The following UBE2R2 variants were observed in gnomAD, a reference collection of about 807,000 sequenced individuals.
The protein encoded by UBE2R2 is ubiquitin conjugating enzyme E2 R2.
A neutral mutation model predicts 27.8 loss-of-function variants in UBE2R2; 1 was observed. The observed-to-expected ratio is 0.04, with a 90% CI of 0.01 to 0.17. UBE2R2 has a LOEUF of 0.17. UBE2R2 is among the 10% of genes least tolerant of loss of function. UBE2R2 has a pLI of 1.00. For synonymous variants in UBE2R2, 106 were observed against 113.3 expected (o/e 0.94, Z 0.41); for missense variants, 100 against 291.0 (o/e 0.34, Z 4.78).
At chr9:33,843,041 A>AC (rs1820764123) in intron 1 of UBE2R2, among the ~76,000 whole-genome samples, 1 of 70,606 alleles carries the variant, frequency 1.4e-5, no homozygotes, top group East Asian at 3.4e-4. Flanking sequence ...AAAACAGACC[A>AC]CTTTTTTTTT....
At chr9:33,850,486 G>A (rs1298852055) in intron 1 of UBE2R2, among the ~76,000 whole-genome samples, 1 of 151,500 alleles carries the variant, frequency 6.6e-6, no homozygotes, top group African/African-American at 2.4e-5. Context: ...CTGAACAGAC[G>A]AGCCTACCAA....
chr9:33,822,279 C>T (rs112731233), intron 1 of UBE2R2, among the ~76,000 whole-genome samples: 116 of 151,620 alleles, frequency 7.7e-4, no homozygotes, highest in African/African-American at 2.7e-3. Flanking sequence ...TTGGTAGAGA[C>T]GAGGTTTCTC....
chr9:33,884,121 T>C (rs1821796131), intron 1 of UBE2R2, among the ~76,000 whole-genome samples: 1 of 151,098 alleles, frequency 6.6e-6, no homozygotes, highest in Non-Finnish European at 1.5e-5. Flanking sequence ...CCCAGTGTAC[T>C]CTGTCTAGCC....
chr9:33,869,356 T>C (rs773800871), intron 1 of UBE2R2, among the ~76,000 whole-genome samples: 3 of 152,088 alleles, frequency 2.0e-5, no homozygotes, highest in Non-Finnish European at 4.4e-5. Flanking sequence ...ATACTGCACA[T>C]TGGGGGTTAC....
intron 1 of UBE2R2, among the ~76,000 whole-genome samples, chr9:33,886,169 T>C (rs760318793): frequency 3.2e-4 from 49 of 152,188 alleles, no homozygotes; most frequent in Non-Finnish European, 4.0e-4. Flanking sequence ...TATTTCTGGG[T>C]GATAGAATGA....
At chr9:33,905,590 AAGG>A (rs2130814799) in intron 3 of UBE2R2, among the ~76,000 whole-genome samples, 1 of 152,340 alleles carries the variant, frequency 6.6e-6, no homozygotes, top group South Asian at 2.1e-4. Flanking sequence ...CACTGCACAG[AAGG>A]AGGTGTTATA....
chr9:33,894,862 A>T (rs1209348482), intron 2 of UBE2R2, among the ~76,000 whole-genome samples: 1 of 151,954 alleles, frequency 6.6e-6, no homozygotes, highest in Admixed American at 6.6e-5. Context: ...GCACCACTGC[A>T]CTCCAGCCTG....
At chr9:33,907,985 C>T (rs1184854143) in intron 3 of UBE2R2, among the ~76,000 whole-genome samples, 10 of 152,078 alleles carry the variant, frequency 6.6e-5, no homozygotes, top group African/African-American at 1.9e-4. Context: ...TGTGCCACTA[C>T]ACCTGGCTAA....
rs2130694634 is a variant in UBE2R2, at chr9:33,817,647, C to T, written c.-111C>T. The T allele has an allele frequency of 1.8e-6, 2 of 1,126,304 alleles. No individual in the cohort carries two copies. The highest frequency in any genetic ancestry group is 2.2e-6 in the Non-Finnish European group (2 of 921,706). The allele number at this position is 1,126,304 out of a possible 1,614,324, so 69.8% of individuals were successfully genotyped here. On this transcript the variant is annotated 5_prime_UTR_variant, in exon 1 of 5. Coordinates refer to ENST00000263228, the MANE Select transcript of UBE2R2 (RefSeq NM_017811.4). Reference sequence around the variant, plus strand: ...CCCGCCGGGTGTGTGAAGACCGGGGCCCGGTGCTGCCCGGCCGGAGGGCGA... The same window carrying T: ...CCCGCCGGGTGTGTGAAGACCGGGGTCCGGTGCTGCCCGGCCGGAGGGCGA...
chr9:33,818,365 T>TG (rs1825875605), intron 1 of UBE2R2, among the ~76,000 whole-genome samples: 1 of 4,406 alleles, frequency 2.3e-4, no homozygotes, highest in Non-Finnish European at 4.2e-4. Context: ...TTTTCTTTTT[T>TG]GGGGGGTGGG....
chr9:33,850,992 C>T (rs890331752), intron 1 of UBE2R2, among the ~76,000 whole-genome samples: 1 of 152,260 alleles, frequency 6.6e-6, no homozygotes, highest in African/African-American at 2.4e-5. Flanking sequence ...AATCATACTT[C>T]TCATTAATAC....
At chr9:33,837,371 T>G (rs1820636540) in intron 1 of UBE2R2, among the ~76,000 whole-genome samples, 2 of 150,904 alleles carry the variant, frequency 1.3e-5, no homozygotes, top group South Asian at 4.2e-4. Flanking sequence ...ATTACAGGTA[T>G]GAGCCACTGT....
rs1300093032 is a variant in UBE2R2 at position 33,919,723 on chromosome 9, T to TA, written c.*2488dup. 1.4e-5 allele frequency: 2 copies of TA among 144,898 alleles called. No individual in the cohort carries two copies. Among genetic ancestry groups the TA allele is most frequent in the Non-Finnish European group, 3.0e-5 (2 of 65,974 alleles). 9.0% of individuals were successfully genotyped at this position (144,898 alleles called of 1,614,324 possible). A position where few individuals can be genotyped will look rare whatever the true frequency, so the allele number is the denominator to read the frequency against. On this transcript the variant is annotated 3_prime_UTR_variant, in exon 5 of 5. Coordinates refer to ENST00000263228, the MANE Select transcript of UBE2R2 (RefSeq NM_017811.4). ...TCCCTGTGGAAAATACTTGAGTTTG[T>TA]AATTTTTTTTCCCCCTTCTGGGAGT...
chr9:33,898,419 A>C (rs1822171516), intron 2 of UBE2R2, among the ~76,000 whole-genome samples: 1 of 151,984 alleles, frequency 6.6e-6, no homozygotes, highest in South Asian at 2.1e-4. Flanking sequence ...TACATGCCTT[A>C]TGGTATCTAA....
intron 3 of UBE2R2, among the ~76,000 whole-genome samples, chr9:33,911,046 G>C (rs1822471514): frequency 6.6e-6 from 1 of 152,000 alleles, no homozygotes; most frequent in Admixed American, 6.6e-5. Context: ...AGAGGTTACA[G>C]TGAGCTGAGA....
chr9:33,838,527 G>T (rs539917108), intron 1 of UBE2R2, among the ~76,000 whole-genome samples: 34 of 151,816 alleles, frequency 2.2e-4, no homozygotes, highest in African/African-American at 6.8e-4. Context: ...TTAAATTGAG[G>T]TGTATGTACA....
intron 1 of UBE2R2, among the ~76,000 whole-genome samples, chr9:33,879,416 C>T (rs1471689421): frequency 6.6e-6 from 1 of 152,130 alleles, no homozygotes; most frequent in Non-Finnish European, 1.5e-5. Flanking sequence ...AATTTTCATG[C>T]AGCACTGCAA....
intron 1 of UBE2R2, among the ~76,000 whole-genome samples, chr9:33,856,281 A>G (rs1400940242): frequency 2.0e-5 from 3 of 152,282 alleles, no homozygotes; most frequent in East Asian, 3.9e-4. Flanking sequence ...ACTTGTATCA[A>G]TGTAATACTG....
At chr9:33,840,125 G>A (rs78573056) in intron 1 of UBE2R2, among the ~76,000 whole-genome samples, 10 of 152,314 alleles carry the variant, frequency 6.6e-5, no homozygotes, top group South Asian at 2.1e-4. Context: ...AGCAGAAAAC[G>A]TCTCTTTCAC....
Sources: allele counts gnomAD v4.1 joint callset (sites outside exome capture counted in the v4.1 genomes callset), GRCh38; gene constraint gnomAD v4.1.1; transcripts MANE v1.5; gene names NCBI Gene and HGNC (gene_info 2026-07-23, HGNC 2026-07-21).